SGCD: variants seen among roughly 807,000 people sequenced by gnomAD.
The protein encoded by SGCD is sarcoglycan delta, also known as delta-sarcoglycan.
In SGCD, 18 loss-of-function variants were observed where a neutral mutation model predicts 36.6. The observed-to-expected ratio is 0.49, with a 90% CI of 0.34 to 0.73. The LOEUF (loss-of-function observed/expected upper bound fraction) is 0.73. Ranked by LOEUF, SGCD falls within the 30% of genes least tolerant of loss-of-function variation. SGCD has a pLI of 0.01. For synonymous variants in SGCD, 133 were observed against 130.6 expected (o/e 1.02, Z -0.12); for missense variants, 387 against 346.7 (o/e 1.12, Z -0.92).
chr5:156,166,958 C>T (rs1763229159), intron 3 of SGCD, among the ~76,000 whole-genome samples: 1 of 152,152 alleles, frequency 6.6e-6, no homozygotes, highest in Non-Finnish European at 1.5e-5. Flanking sequence ...AATAGGCTTG[C>T]TCTCCTTGAT....
chr5:156,199,078 C>T (rs1456982969), intron 3 of SGCD, among the ~76,000 whole-genome samples: 5 of 152,072 alleles, frequency 3.3e-5, no homozygotes, highest in African/African-American at 9.7e-5. Context: ...CATGTAGATA[C>T]ACACACCTAC....
At chr5:155,747,044 G>C in the SGCD span, among the ~76,000 whole-genome samples, 2 of 152,034 alleles carry the variant, frequency 1.3e-5, no homozygotes, top group Non-Finnish European at 2.9e-5. Flanking sequence ...CCTCCTCCAG[G>C]GGCTCTCCAC....
intron 3 of SGCD, among the ~76,000 whole-genome samples, chr5:156,407,934 A>G (rs1359960449): frequency 2.0e-5 from 3 of 152,178 alleles, no homozygotes; most frequent in Admixed American, 6.5e-5. Context: ...TGTCCTTAAC[A>G]TATGTGGAGG....
intron 1 of SGCD, among the ~76,000 whole-genome samples, chr5:155,879,224 T>C (rs1379111880): frequency 6.6e-6 from 1 of 152,176 alleles, no homozygotes; most frequent in Admixed American, 6.5e-5. Context: ...TCCTTGTAAA[T>C]TTCAAAGTTA....
intron 3 of SGCD, among the ~76,000 whole-genome samples, chr5:156,484,634 C>T (rs1366836803): frequency 6.6e-6 from 1 of 152,098 alleles, no homozygotes; most frequent in African/African-American, 2.4e-5. Flanking sequence ...TCGGAAATGG[C>T]TTTTTTGTAT....
In SGCD at chr5:156,692,384, C is replaced by G. The variant is rs1754149173; in HGVS notation, c.575+44848C>G. Among the ~76,000 whole-genome samples the G allele has an allele frequency of 1.3e-5, 2 of 152,184 alleles. 1 individual carries two copies. The highest frequency in any genetic ancestry group is 4.1e-4 in the South Asian group (2 of 4,828). ...GCACAAGTGCTAGATATCTGCCATT[C>G]CTGCATCAGCAGCATGATGGAGTGG... is the stretch of plus-strand genomic sequence containing the variant. On this transcript the variant is annotated intron_variant, in intron 7 of 8. Coordinates refer to ENST00000337851, the MANE Select transcript of SGCD (RefSeq NM_000337.6).
chr5:156,557,747 G>A (rs1166632928), intron 4 of SGCD, among the ~76,000 whole-genome samples: 1 of 151,980 alleles, frequency 6.6e-6, no homozygotes, highest in African/African-American at 2.4e-5. Context: ...AGTCTTCCGT[G>A]ATATATCCCC....
intron 3 of SGCD, among the ~76,000 whole-genome samples, chr5:156,492,940 C>T (rs946701114): frequency 1.3e-5 from 2 of 152,172 alleles, no homozygotes; most frequent in African/African-American, 4.8e-5. Context: ...ATATGTGCCA[C>T]ATTTTCTTTA....
chr5:155,854,218 T>C, the SGCD span, among the ~76,000 whole-genome samples: 2 of 152,152 alleles, frequency 1.3e-5, no homozygotes, highest in African/African-American at 4.8e-5. Context: ...GCAGCATCTC[T>C]GGTTTTTACT....
At chr5:156,358,299 G>T (rs1769591331) in intron 3 of SGCD, among the ~76,000 whole-genome samples, 1 of 152,188 alleles carries the variant, frequency 6.6e-6, no homozygotes, top group African/African-American at 2.4e-5. Context: ...CAGGTAGTCT[G>T]AATTGAAACC....
chr5:156,756,705 A>G lies in SGCD; in HGVS notation c.576-876A>G, dbSNP rs372410076. On this transcript the variant is annotated intron_variant, in intron 7 of 8. Transcript: ENST00000337851. ...GGCTGATTCTCTTGATTTATTTTTT[A>G]TCTTACATACCATAAAATTCACTCA... Among the ~76,000 whole-genome samples, 361 of 152,260 alleles carry G rather than the reference A, an allele frequency of 2.4e-3. 2 individuals carry two copies. The highest frequency in any genetic ancestry group is 8.4e-3 in the African/African-American group (350 of 41,554).
chr5:156,268,790 C>A lies in SGCD; in HGVS notation c.-43-60744C>A, dbSNP rs571352310. ...GTGTTTTATAGTAGAGATAGGGTTT[C>A]TTCATATTGATCAGGCTGGTCTCGA... On this transcript the variant is annotated intron_variant, in intron 3 of 9. Coordinates refer to the SGCD transcript ENST00000517913. 9.2e-5 allele frequency among the ~76,000 whole-genome samples: 14 copies of A among 152,198 alleles called. No individual in the cohort carries two copies. The South Asian group carries it at 2.9e-3, about 32-fold the overall frequency.
chr5:155,942,314 G>GTATCTATC (rs761794178), intron 1 of SGCD, among the ~76,000 whole-genome samples: 1,460 of 84,266 alleles, frequency 0.017, 12 homozygotes, highest in South Asian at 0.048. Flanking sequence ...ATGTATGTAT[G>GTATCTATC]TATGTATGTA....
intron 1 of SGCD, among the ~76,000 whole-genome samples, chr5:155,978,382 A>G (rs530516420): frequency 6.6e-6 from 1 of 152,360 alleles, no homozygotes; most frequent in South Asian, 2.1e-4. Flanking sequence ...AGGGAAAAGA[A>G]TAAAAGGAAA....
chr5:156,311,846 T>A (rs549253503), intron 3 of SGCD, among the ~76,000 whole-genome samples: 1 of 152,352 alleles, frequency 6.6e-6, no homozygotes, highest in South Asian at 2.1e-4. Context: ...AATGAGCTTA[T>A]TTCTTCTCTG....
intron 3 of SGCD, among the ~76,000 whole-genome samples, chr5:156,448,073 C>T (rs2127802570): frequency 6.6e-6 from 1 of 152,258 alleles, no homozygotes; most frequent in Middle Eastern, 3.4e-3. Context: ...TTGACTTTCA[C>T]TGTATTCTGC....
chr5:155,882,529 A>T (rs982202619), intron 1 of SGCD, among the ~76,000 whole-genome samples: 3 of 152,238 alleles, frequency 2.0e-5, no homozygotes, highest in Non-Finnish European at 4.4e-5. Context: ...AAAATTACTT[A>T]TTGATCCATG....
At chr5:156,475,297 T>G (rs1277473721) in intron 3 of SGCD, among the ~76,000 whole-genome samples, 1 of 152,184 alleles carries the variant, frequency 6.6e-6, no homozygotes, top group African/African-American at 2.4e-5. Context: ...CTAATCTTTC[T>G]TACCTGAGCT....
chr5:155,889,145 A>G (rs1296799785), intron 1 of SGCD, among the ~76,000 whole-genome samples: 3 of 152,208 alleles, frequency 2.0e-5, no homozygotes, highest in Admixed American at 6.5e-5. Context: ...TATCTCAAAC[A>G]TCTTGTGTTC....
Sources: gnomAD v4.1 joint callset for allele counts (sites outside exome capture counted in the v4.1 genomes callset) on GRCh38, gnomAD v4.1.1 for gene constraint, MANE v1.5 for transcripts, NCBI Gene and HGNC (gene_info 2026-07-23, HGNC 2026-07-21) for gene names.